The following CFAP221 variants were observed in gnomAD, a reference collection of about 807,000 sequenced individuals.
CFAP221 encodes the protein cilia and flagella associated protein 221.
Under a neutral mutation model 113.1 loss-of-function variants are expected in CFAP221, and 97 were observed. The ratio of observed to expected loss-of-function variants is 0.86; its 90% CI spans 0.73 to 1.02. The LOEUF (loss-of-function observed/expected upper bound fraction) is 1.02, where lower values mean the gene tolerates loss of function less well. CFAP221 is among the 50% of genes least tolerant of loss of function. CFAP221 has a pLI of 0.00. For synonymous variants in CFAP221, 331 were observed against 354.4 expected (o/e 0.93, Z 0.74); for missense variants, 1,025 against 1,013.4 (o/e 1.01, Z -0.16).
rs907929031 is a variant in CFAP221, at chr2:119,598,158, C to T, written c.632-3060C>T. Among the ~76,000 whole-genome samples, 3 of 152,224 alleles carry T rather than the reference C, an allele frequency of 2.0e-5. No individual in the cohort carries two copies. The East Asian group carries it at 5.8e-4, about 29-fold the overall frequency. ...ATTATTTTAAAATTAAATAATTTTACAGTGTTAGTACAATGTTGTAGTAAC... is the reference window on the plus strand; with the variant it reads ...ATTATTTTAAAATTAAATAATTTTATAGTGTTAGTACAATGTTGTAGTAAC... On this transcript the variant is annotated intron_variant, in intron 7 of 23. Transcript: ENST00000413369.
intron 15 of CFAP221, among the ~76,000 whole-genome samples, chr2:119,627,332 A>G (rs1686382569): frequency 1.3e-5 from 2 of 152,328 alleles, no homozygotes; most frequent in Non-Finnish European, 2.9e-5. Context: ...CTAAAAAATT[A>G]TAAAATTTAC....
chr2:119,633,622 C>A (rs1265708302), intron 19 of CFAP221, among the ~76,000 whole-genome samples: 1 of 148,416 alleles, frequency 6.7e-6, no homozygotes, highest in Non-Finnish European at 1.5e-5. Context: ...TTCTACAAAT[C>A]AATAGTAAAA....
At chr2:119,601,558 G>A (rs2104663633) in intron 8 of CFAP221, 181 bp downstream of exon 8, 1 of 532,870 alleles carries the variant, frequency 1.9e-6, no homozygotes, top group East Asian at 3.3e-5. Context: ...TATGCTAGTA[G>A]CAAGAGTTGC....
chr2:119,545,127 CT>C (rs1056002759), intron 1 of CFAP221: 26 of 152,324 alleles, frequency 1.7e-4, no homozygotes, highest in African/African-American at 6.3e-4. Context: ...CTGCCTGTCG[CT>C]TGATGTTGTC....
intron 6 of CFAP221, among the ~76,000 whole-genome samples, chr2:119,563,581 T>C (rs571496281): frequency 6.6e-6 from 1 of 151,652 alleles, no homozygotes; most frequent in East Asian, 1.9e-4. Flanking sequence ...AACTAAGGGG[T>C]TAATACCTAG....
chr2:119,638,460 G>T (rs1323445476), intron 20 of CFAP221, 43 bp downstream of exon 20: 4 of 1,605,026 alleles, frequency 2.5e-6, no homozygotes, highest in South Asian at 2.2e-5. Flanking sequence ...ACCCTGGGCT[G>T]CAGGGAGGGG....
At position 119,630,577 on chromosome 2, in the gene CFAP221, A is replaced by G; in HGVS notation, c.1739A>G (p.Gln580Arg). The G allele has an allele frequency of 6.2e-7, 1 of 1,607,672 alleles. No individual in the cohort carries two copies. The highest frequency in any genetic ancestry group is 8.5e-7 in the Non-Finnish European group (1 of 1,174,140). Residue 580 changes from glutamine to arginine, a missense_variant, in exon 18 of 24, where the codon CAA becomes CGA. Physicochemically the swap from Gln to Arg is conservative, Grantham distance 43. Coordinates refer to ENST00000413369, the MANE Select transcript of CFAP221 (RefSeq NM_001271049.2). ...ATCTTCTTTCACCTTCAGGTTCCTC[A>G]ACTGTACAAAATTAAGAGATATCAG... ...SYSFFNLQVP[Q>R]LYKIKRYQPF...
intron 7 of CFAP221, among the ~76,000 whole-genome samples, chr2:119,592,360 G>A (rs1260100737): frequency 6.6e-6 from 1 of 152,208 alleles, no homozygotes; most frequent in Non-Finnish European, 1.5e-5. Flanking sequence ...AGAGGTCAGA[G>A]CCACTGTCTT....
rs370577376 is a variant in CFAP221, at chr2:119,573,199, G to A, written c.527+11085G>A. 7.2e-5 allele frequency: 11 copies of A among 152,234 alleles called. No homozygotes were observed. The East Asian group carries it at 1.5e-3, about 21-fold the overall frequency. 9.4% of individuals were successfully genotyped at this position (152,234 alleles called of 1,614,324 possible). A position where few individuals can be genotyped will look rare whatever the true frequency, so the allele number is the denominator to read the frequency against. ...CATTGTGCCAATAAACAGTCTCTAG[G>A]AGAGGGGGCTGAGAACCAGCTGTAA... On this transcript the variant is annotated intron_variant, in intron 6 of 23. Transcript: ENST00000413369.
intron 6 of CFAP221, among the ~76,000 whole-genome samples, chr2:119,568,619 C>A (rs560040036): frequency 5.3e-5 from 8 of 152,236 alleles, no homozygotes; most frequent in African/African-American, 1.4e-4. Flanking sequence ...TGTTAGTTGG[C>A]TGAGGATAAT....
intron 6 of CFAP221, among the ~76,000 whole-genome samples, chr2:119,577,145 C>T (rs1271441604): frequency 6.6e-6 from 1 of 152,162 alleles, no homozygotes; most frequent in Non-Finnish European, 1.5e-5. Context: ...CATGGCTGAG[C>T]TCTGGTGGGG....
intron 3 of CFAP221, among the ~76,000 whole-genome samples, chr2:119,553,483 G>A (rs142546627): frequency 5.9e-5 from 9 of 152,316 alleles, no homozygotes; most frequent in Non-Finnish European, 1.0e-4. Flanking sequence ...ATTTGAGGAA[G>A]ATCAACTTAG....
chr2:119,647,259 T>C (rs933777609), intron 22 of CFAP221, among the ~76,000 whole-genome samples: 12 of 152,200 alleles, frequency 7.9e-5, no homozygotes, highest in African/African-American at 2.9e-4. Context: ...TATGGCTTCC[T>C]GATCTTTAGC....
intron 12 of CFAP221, among the ~76,000 whole-genome samples, chr2:119,610,026 C>T (rs1251998133): frequency 6.6e-6 from 1 of 152,166 alleles, no homozygotes; most frequent in Non-Finnish European, 1.5e-5. Context: ...AGATTCTTTG[C>T]ATGCTTTCTT....
At chr2:119,642,299 G>A (rs1687540695) in intron 21 of CFAP221, among the ~76,000 whole-genome samples, 1 of 152,184 alleles carries the variant, frequency 6.6e-6, no homozygotes, top group South Asian at 2.1e-4. Flanking sequence ...TACAAAATAA[G>A]AAGTGTAATT....
At chr2:119,650,282 C>T (rs887237150) in intron 22 of CFAP221, among the ~76,000 whole-genome samples, 3 of 152,242 alleles carry the variant, frequency 2.0e-5, no homozygotes, top group African/African-American at 7.2e-5. Flanking sequence ...TGATACTTGA[C>T]AATACCTGAG....
In CFAP221 at chr2:119,604,782, A is replaced by G. The variant is rs770404174; in HGVS notation, c.902A>G (p.Gln301Arg). The change falls in exon 9 of 24, where the codon CAG (glutamine) becomes CGG (arginine). Residue 301 changes from glutamine to arginine, a missense_variant. Physicochemically the swap from Gln to Arg is conservative, Grantham distance 43 (BLOSUM62 1). Transcript: ENST00000413369. ...CGACCGCCAGCGAAGCCGAAGCCTC[A>G]GAAGGTGAAGGTACGGTGGGCCTTG... ...FHRPPAKPKP[Q>R]KVKEIEYQNL... 5.2e-6 allele frequency: 8 copies of G among 1,552,720 alleles called. No homozygotes were observed. The South Asian group carries it at 9.8e-5, about 19-fold the overall frequency.
intron 3 of CFAP221, among the ~76,000 whole-genome samples, chr2:119,555,361 GT>G (rs1333464968): frequency 6.6e-6 from 1 of 152,170 alleles, no homozygotes; most frequent in Non-Finnish European, 1.5e-5. Context: ...GAAACACAGG[GT>G]AGGATTTTAG....
At chr2:119,552,363 A>G (rs1395601950) in intron 3 of CFAP221, among the ~76,000 whole-genome samples, 5 of 126,974 alleles carry the variant, frequency 3.9e-5, no homozygotes, top group African/African-American at 1.5e-4. Flanking sequence ...ATAAATAGAA[A>G]TATTTCTTTC....
Sources: gnomAD v4.1 joint callset for allele counts (sites outside exome capture counted in the v4.1 genomes callset) on GRCh38, gnomAD v4.1.1 for gene constraint, MANE v1.5 for transcripts, NCBI Gene and HGNC (gene_info 2026-07-23, HGNC 2026-07-21) for gene names.